The following TRIM2 variants were observed in gnomAD, a reference collection of about 807,000 sequenced individuals.
The protein encoded by TRIM2 is tripartite motif containing 2.
TRIM2 carries 20 observed loss-of-function variants against 75.2 expected under a neutral mutation model. The observed-to-expected ratio is 0.27, with a 90% CI of 0.19 to 0.39. The LOEUF (loss-of-function observed/expected upper bound fraction) is 0.39. Ranked by LOEUF, TRIM2 falls within the 10% of genes least tolerant of loss-of-function variation. TRIM2 has a pLI of 1.00. For missense variants in TRIM2, 660 were observed against 990.8 expected (o/e 0.67, Z 4.48); for synonymous variants, 373 against 388.3 (o/e 0.96, Z 0.46).
chr4:153,228,902 T>C (rs1742880354), intron 1 of TRIM2, among the ~76,000 whole-genome samples: 1 of 152,160 alleles, frequency 6.6e-6, no homozygotes, highest in Non-Finnish European at 1.5e-5. Flanking sequence ...AAATGGTGTC[T>C]CAATCTAGTA....
intron 6 of TRIM2, among the ~76,000 whole-genome samples, chr4:153,298,063 T>G (rs1310941603): frequency 6.6e-6 from 1 of 152,134 alleles, no homozygotes; most frequent in Non-Finnish European, 1.5e-5. Context: ...ATTCTCCAGA[T>G]CCCACCCCAG....
chr4:153,172,289 G>A (rs541170816), intron 1 of TRIM2, among the ~76,000 whole-genome samples: 4 of 152,066 alleles, frequency 2.6e-5, no homozygotes, highest in African/African-American at 7.3e-5. Flanking sequence ...CTGGGTTCAC[G>A]CCATTCTCCT....
chr4:153,241,640 C>T (rs1333274525), intron 1 of TRIM2, among the ~76,000 whole-genome samples: 1 of 152,178 alleles, frequency 6.6e-6, no homozygotes, highest in African/African-American at 2.4e-5. Flanking sequence ...GGAGCAACAG[C>T]AGGGCTAGGA....
At chr4:153,200,813 A>G (rs183765284), upstream of TRIM2, among the ~76,000 whole-genome samples, 674 of 97,454 alleles carry the variant, frequency 6.9e-3, 2 homozygotes, top group Non-Finnish European at 9.8e-3. Flanking sequence ...TTTTTTCCTT[A>G]TTATTGTTAT....
upstream of TRIM2, among the ~76,000 whole-genome samples, chr4:153,200,110 T>C (rs1734179499): frequency 1.3e-5 from 2 of 151,918 alleles, no homozygotes; most frequent in Admixed American, 1.3e-4. Context: ...CCACCTACTT[T>C]TTGAATTTTT....
chr4:153,159,266 C>T (rs1427381366), intron 1 of TRIM2, among the ~76,000 whole-genome samples: 2 of 139,294 alleles, frequency 1.4e-5, no homozygotes, highest in Non-Finnish European at 3.1e-5. Flanking sequence ...TACCACTTTA[C>T]ATTAGAAGTT....
intron 1 of TRIM2, among the ~76,000 whole-genome samples, chr4:153,233,819 A>G (rs961325320): frequency 6.6e-6 from 1 of 152,198 alleles, no homozygotes; most frequent in Non-Finnish European, 1.5e-5. Context: ...TCCTGCCAGC[A>G]AAACCATTTC....
At chr4:153,328,749 G>T in intron 11 of TRIM2, 79 bp downstream of exon 11, 1 of 1,443,614 alleles carries the variant, frequency 6.9e-7, no homozygotes, top group Non-Finnish European at 9.2e-7. Context: ...CCCCAAACTG[G>T]AATGTTTTCT....
chr4:153,171,047 C>T (rs1211128588), intron 1 of TRIM2, among the ~76,000 whole-genome samples: 1 of 152,214 alleles, frequency 6.6e-6, no homozygotes, highest in Non-Finnish European at 1.5e-5. Flanking sequence ...GTCCCACCTT[C>T]CCTTTTTTAG....
chr4:153,182,585 G>A (rs141348677), intron 1 of TRIM2, among the ~76,000 whole-genome samples: 236 of 152,296 alleles, frequency 1.5e-3, no homozygotes, highest in Admixed American at 4.7e-3. Context: ...TGCCTGCCCT[G>A]CAGCAGGAAC....
intron 3 of TRIM2, among the ~76,000 whole-genome samples, chr4:153,279,826 G>A (rs780485732): frequency 2.0e-5 from 3 of 151,788 alleles, no homozygotes; most frequent in Non-Finnish European, 4.4e-5. Flanking sequence ...GACTGTAGTC[G>A]CAGCTACTCA....
chr4:153,323,380 T>G (rs1033376991), intron 9 of TRIM2, among the ~76,000 whole-genome samples: 1 of 152,260 alleles, frequency 6.6e-6, no homozygotes, highest in Non-Finnish European at 1.5e-5. Context: ...CTTTTGGCAC[T>G]TAGTATTAAT....
chr4:153,212,561 A>T (rs1208315937), intron 1 of TRIM2, among the ~76,000 whole-genome samples: 2 of 152,184 alleles, frequency 1.3e-5, no homozygotes, highest in African/African-American at 4.8e-5. Context: ...CAGGAGGCTG[A>T]GGAGAGAGAA....
intron 1 of TRIM2, among the ~76,000 whole-genome samples, chr4:153,244,987 T>C (rs890630805): frequency 1.3e-5 from 2 of 152,222 alleles, no homozygotes; most frequent in Non-Finnish European, 2.9e-5. Context: ...TCTTCATTCA[T>C]CACAGGTTCT....
chr4:153,205,483 G>A (rs1210765776), intron 1 of TRIM2, among the ~76,000 whole-genome samples: 1 of 152,056 alleles, frequency 6.6e-6, no homozygotes, highest in Non-Finnish European at 1.5e-5. Context: ...TCGAGTCCTG[G>A]GAGTTGCTTT....
chr4:153,311,922 A>ATTTATTTT (rs370049473), intron 6 of TRIM2, among the ~76,000 whole-genome samples: 1 of 144,666 alleles, frequency 6.9e-6, no homozygotes, highest in Non-Finnish European at 1.5e-5. Flanking sequence ...TTATTTATTT[A>ATTTATTTT]TTATTATTAT....
chr4:153,189,545 T>C (rs958297582), intron 1 of TRIM2, among the ~76,000 whole-genome samples: 4 of 152,180 alleles, frequency 2.6e-5, no homozygotes, highest in African/African-American at 9.7e-5. Context: ...TTATGGTGTC[T>C]GGGAAATTCT....
intron 1 of TRIM2, among the ~76,000 whole-genome samples, chr4:153,179,576 CTT>C (rs1731836632): frequency 6.6e-6 from 1 of 152,136 alleles, no homozygotes; most frequent in Non-Finnish European, 1.5e-5. Flanking sequence ...ACTGCACAGA[CTT>C]TAGCTTTTAT....
chr4:153,240,997 A>G (rs1746412909), intron 1 of TRIM2, among the ~76,000 whole-genome samples: 1 of 152,184 alleles, frequency 6.6e-6, no homozygotes, highest in Non-Finnish European at 1.5e-5. Context: ...GAATCGCTTG[A>G]ACCTGGGAGG....
Sources: gnomAD v4.1 joint callset for allele counts (sites outside exome capture counted in the v4.1 genomes callset) on GRCh38, gnomAD v4.1.1 for gene constraint, MANE v1.5 for transcripts, NCBI Gene and HGNC (gene_info 2026-07-23, HGNC 2026-07-21) for gene names.